The following NEK10 variants were observed in gnomAD, a reference collection of about 807,000 sequenced individuals.
NEK10 encodes NIMA related kinase 10.
In NEK10, 122 loss-of-function variants were observed where a neutral mutation model predicts 159.8. That is an observed-to-expected ratio of 0.76 (90% CI 0.66 to 0.89). The LOEUF (loss-of-function observed/expected upper bound fraction) is 0.89, where lower values mean the gene tolerates loss of function less well. NEK10 is among the 40% of genes least tolerant of loss of function. NEK10 has a pLI of 0.00. For missense variants in NEK10, 1,342 were observed against 1,323.1 expected, an observed-to-expected ratio of 1.01 and a Z score of -0.22; for synonymous variants, 466 against 457.1, an observed-to-expected ratio of 1.02 and a Z score of -0.25.
intron 8 of NEK10, chr3:27,311,298 A>T (rs2044678154): frequency 4.1e-6 from 1 of 246,858 alleles, no homozygotes; most frequent in African/African-American, 2.3e-5. Context: ...TAACATCATT[A>T]CCAGTTCAAA....
Position 27,284,948 on chromosome 3 carries a change from G to C in NEK10, c.1803C>G (p.Tyr601Ter). The change falls in exon 21 of 36, where the codon TAC (tyrosine) becomes TAG (stop). Residue 601 changes from tyrosine (Y) to a stop codon, truncating the protein, a stop_gained. Transcript: ENST00000691995. LOFTEE classifies it high-confidence loss of function. ...CTCCTTCTATCAGCTCCATAACTAT[G>C]TACAACCTATCATCTATATAAATAT... ...YKTFLENDRL[Y>*]IVMELIEGAP... The C allele has an allele frequency of 6.2e-7, 1 of 1,602,436 alleles. No homozygotes were observed. The highest frequency in any genetic ancestry group is 8.5e-7 in the Non-Finnish European group (1 of 1,174,300).
At chr3:27,332,129 A>G (rs951924562) in intron 5 of NEK10, among the ~76,000 whole-genome samples, 2 of 152,182 alleles carry the variant, frequency 1.3e-5, no homozygotes, top group Admixed American at 6.5e-5. Flanking sequence ...AAATAATACC[A>G]AATTTCATAT....
intron 31 of NEK10, among the ~76,000 whole-genome samples, chr3:27,132,593 G>C (rs1311044719): frequency 1.3e-5 from 2 of 152,126 alleles, no homozygotes; most frequent in Non-Finnish European, 2.9e-5. Context: ...GTAGTAGAAA[G>C]TCATGGTAGG....
At chr3:27,313,181 C>T (rs1422156662) in intron 7 of NEK10, among the ~76,000 whole-genome samples, 1 of 150,608 alleles carries the variant, frequency 6.6e-6, no homozygotes, top group African/African-American at 2.5e-5. Flanking sequence ...ACAAGAATCA[C>T]TTGAACTTGG....
At chr3:27,295,745 C>A in intron 14 of NEK10, 55 bp from the exon 15 acceptor site, 3 of 1,469,748 alleles carry the variant, frequency 2.0e-6, no homozygotes, top group Non-Finnish European at 2.7e-6. Flanking sequence ...GATACACAAG[C>A]AAAAAGAGGC....
chr3:27,227,384 C>A (rs1377911274), intron 23 of NEK10, among the ~76,000 whole-genome samples: 1 of 152,142 alleles, frequency 6.6e-6, no homozygotes, highest in Non-Finnish European at 1.5e-5. Flanking sequence ...TTCCATAGCT[C>A]CCAGCTTCTC....
chr3:27,212,359 A>G (rs62256303), intron 23 of NEK10, among the ~76,000 whole-genome samples: 35,568 of 151,998 alleles, frequency 0.23, 4,452 homozygotes, highest in Middle Eastern at 0.37. Context: ...AAAATGCTGC[A>G]CAAACTAGAT....
intron 26 of NEK10, among the ~76,000 whole-genome samples, chr3:27,178,057 A>G (rs1947704004): frequency 6.6e-6 from 1 of 152,218 alleles, no homozygotes; most frequent in Admixed American, 6.5e-5. Flanking sequence ...GGCAAGGAGA[A>G]TACAACGCAA....
intron 25 of NEK10, chr3:27,194,068 TC>T (rs1246141261): frequency 6.6e-6 from 1 of 151,852 alleles, no homozygotes; most frequent in Non-Finnish European, 1.5e-5. Context: ...TACCAGAAGT[TC>T]CAGGATAGTC....
At chr3:27,251,776 T>C (rs1192279391) in intron 23 of NEK10, among the ~76,000 whole-genome samples, 1 of 152,258 alleles carries the variant, frequency 6.6e-6, no homozygotes, top group Non-Finnish European at 1.5e-5. Flanking sequence ...TTCTGTAATA[T>C]ATAATCTTTA....
chr3:27,271,383 A>C (rs2041348498), intron 22 of NEK10, among the ~76,000 whole-genome samples: 1 of 152,102 alleles, frequency 6.6e-6, no homozygotes, highest in South Asian at 2.1e-4. Context: ...AAAAAAAAGT[A>C]TTCAATATTC....
chr3:27,352,465 CTGT>C lies in NEK10; in HGVS notation c.129_131del (p.Gln44del). 6.2e-7 allele frequency: 1 copy of C among 1,605,350 alleles called. No homozygotes were observed. The highest frequency in any genetic ancestry group is 1.1e-5 in the South Asian group (1 of 90,902). ...AGTGAACATTCTTTGAAAACGCTAC[CTGT>C]TGTTTGCTTGATTGGACGTTCAAAA... On this transcript the variant is annotated inframe_deletion and splice_region_variant, in exon 3 of 36. Coordinates refer to ENST00000691995, the MANE Select transcript of NEK10 (RefSeq NM_001394966.1).
At chr3:27,252,264 T>A (rs1210614458) in intron 23 of NEK10, 1 of 491,978 alleles carries the variant, frequency 2.0e-6, no homozygotes. Flanking sequence ...GAGGTTGCTA[T>A]TTGGGGCAAG....
intron 14 of NEK10, among the ~76,000 whole-genome samples, chr3:27,295,940 C>T (rs780868677): frequency 2.6e-5 from 4 of 151,900 alleles, no homozygotes; most frequent in Non-Finnish European, 4.4e-5. Context: ...AGTACATAAA[C>T]GTAAAGTGAT....
intron 30 of NEK10, among the ~76,000 whole-genome samples, chr3:27,142,479 CA>C (rs1381720021): frequency 2.7e-5 from 4 of 150,568 alleles, no homozygotes; most frequent in African/African-American, 9.8e-5. Flanking sequence ...GTGCTTTCCG[CA>C]ATAAAACTTC....
intron 23 of NEK10, among the ~76,000 whole-genome samples, chr3:27,234,282 AG>A (rs71091117): frequency 0.19 from 29,026 of 152,002 alleles, 2,808 homozygotes; most frequent in Non-Finnish European, 0.22. Context: ...AGCAAGAGAA[AG>A]TAATAAAGGA....
intron 23 of NEK10, among the ~76,000 whole-genome samples, chr3:27,221,022 T>C (rs948532892): frequency 6.6e-6 from 1 of 152,178 alleles, no homozygotes; most frequent in Non-Finnish European, 1.5e-5. Flanking sequence ...AAATTAATGC[T>C]AAATGAGTCA....
intron 6 of NEK10, among the ~76,000 whole-genome samples, chr3:27,319,813 C>T (rs759858756): frequency 3.3e-5 from 5 of 152,134 alleles, no homozygotes; most frequent in African/African-American, 1.2e-4. Flanking sequence ...TGGCCTTGGG[C>T]TTTCCTGTAA....
intron 23 of NEK10, among the ~76,000 whole-genome samples, chr3:27,205,261 T>C (rs1225049309): frequency 6.9e-6 from 1 of 145,238 alleles, no homozygotes; most frequent in Non-Finnish European, 1.5e-5. Flanking sequence ...AGAATCAATA[T>C]CGTGAAAATG....
Sources: gnomAD v4.1 joint callset for allele counts (sites outside exome capture counted in the v4.1 genomes callset) on GRCh38, gnomAD v4.1.1 for gene constraint, MANE v1.5 for transcripts, NCBI Gene and HGNC (gene_info 2026-07-23, HGNC 2026-07-21) for gene names.